Variants in THEMIS observed in about 807,000 individuals in gnomAD.
THEMIS encodes the protein thymocyte selection associated.
In THEMIS, 37 loss-of-function variants were observed where a neutral mutation model predicts 52.6. The observed-to-expected ratio is 0.70, with a 90% CI of 0.54 to 0.93. THEMIS has a LOEUF of 0.93. Among genes scored for constraint, THEMIS ranks in the 40% least tolerant of loss-of-function variants. THEMIS has a pLI of 0.00. For synonymous variants in THEMIS, 292 were observed against 272.7 expected, an observed-to-expected ratio of 1.07 and a Z score of -0.70; for missense variants, 808 against 763.1, an observed-to-expected ratio of 1.06 and a Z score of -0.69.
At chr6:127,762,541 A>G (rs554596563) in intron 4 of THEMIS, among the ~76,000 whole-genome samples, 15 of 152,130 alleles carry the variant, frequency 9.9e-5, no homozygotes, top group Admixed American at 2.6e-4. Context: ...ACTACCATTC[A>G]TCTCTATTCC....
intron 4 of THEMIS, among the ~76,000 whole-genome samples, chr6:127,751,599 T>C (rs1775646619): frequency 6.6e-6 from 1 of 151,528 alleles, no homozygotes; most frequent in South Asian, 2.1e-4. Flanking sequence ...AGACCATCAA[T>C]AAAAATAAAA....
intron 4 of THEMIS, among the ~76,000 whole-genome samples, chr6:127,768,784 C>T (rs548422917): frequency 1.3e-5 from 2 of 152,276 alleles, no homozygotes; most frequent in East Asian, 1.9e-4. Context: ...GCAGTTACCT[C>T]GATGTAGCTG....
chr6:127,809,758 C>T (rs868397638), intron 4 of THEMIS, among the ~76,000 whole-genome samples: 1 of 151,276 alleles, frequency 6.6e-6, no homozygotes, highest in South Asian at 2.1e-4. Context: ...TAACTTTCAC[C>T]CAGTGTTGAA....
intron 4 of THEMIS, among the ~76,000 whole-genome samples, chr6:127,787,314 C>A (rs1562257260): frequency 6.6e-6 from 1 of 152,010 alleles, no homozygotes; most frequent in Admixed American, 6.6e-5. Context: ...GCACACATCA[C>A]CTTCTTCCTT....
At chr6:127,743,848 C>T (rs964064089) in intron 4 of THEMIS, among the ~76,000 whole-genome samples, 2 of 151,948 alleles carry the variant, frequency 1.3e-5, no homozygotes, top group African/African-American at 2.4e-5. Flanking sequence ...TAGTCATTTC[C>T]ATGTTATGAC....
At chr6:127,847,654 C>A (rs1372175718) in intron 2 of THEMIS, among the ~76,000 whole-genome samples, 5 of 151,830 alleles carry the variant, frequency 3.3e-5, no homozygotes, top group Admixed American at 3.3e-4. Flanking sequence ...GTAACACAAA[C>A]AAATGGAAAC....
At chr6:127,875,068 A>G (rs2114400118) in intron 1 of THEMIS, among the ~76,000 whole-genome samples, 1 of 152,358 alleles carries the variant, frequency 6.6e-6, no homozygotes, top group South Asian at 2.1e-4. Context: ...GAATCTAATA[A>G]TCTGATGATA....
chr6:127,805,352 G>C (rs1777665462), intron 4 of THEMIS, among the ~76,000 whole-genome samples: 2 of 152,054 alleles, frequency 1.3e-5, no homozygotes, highest in South Asian at 2.1e-4. Flanking sequence ...TTATACTGAA[G>C]TTAGATTCTG....
intron 1 of THEMIS, among the ~76,000 whole-genome samples, chr6:127,861,348 T>C (rs1030731677): frequency 3.3e-5 from 5 of 152,198 alleles, no homozygotes; most frequent in African/African-American, 1.2e-4. Context: ...ACTGCATTGA[T>C]TATACAGGGA....
At chr6:127,781,823 G>A (rs959922243) in intron 4 of THEMIS, among the ~76,000 whole-genome samples, 1 of 152,144 alleles carries the variant, frequency 6.6e-6, no homozygotes, top group African/African-American at 2.4e-5. Flanking sequence ...TGTATGAGGT[G>A]TCTGTCGACC....
Position 127,820,222 on chromosome 6 carries a change from G to A in THEMIS, c.710-6291C>T, listed in dbSNP as rs1487402669. Among the ~76,000 whole-genome samples the A allele has an allele frequency of 3.3e-5, 5 of 152,100 alleles. No homozygotes were observed. In the East Asian group the frequency reaches 9.7e-4, roughly 29 times the overall value. On this transcript the variant is annotated intron_variant, in intron 3 of 5. Transcript: ENST00000368248. ...AAAGCCTCAATTAAAATTACAGTAG[G>A]CAGAAAAAGAAGGGGAAAAATAGCA... is the stretch of plus-strand genomic sequence containing the variant.
chr6:127,787,753 G>C lies in THEMIS; in HGVS notation c.1758+25130C>G, dbSNP rs558214546. Among the ~76,000 whole-genome samples, 6 of 151,846 alleles carry C rather than the reference G, an allele frequency of 4.0e-5. No individual in the cohort carries two copies. In the South Asian group the frequency reaches 1.2e-3, roughly 31 times the overall value. On this transcript the variant is annotated intron_variant, in intron 4 of 5. Coordinates refer to ENST00000368248, the MANE Select transcript of THEMIS (RefSeq NM_001010923.3). ...TGACATCTGTATTATCTAAAATTAA[G>C]TCTACTAACTATATTTATAAGCTAA...
Position 127,888,806 on chromosome 6 carries a change from TG to T in THEMIS, c.91+12035del, listed in dbSNP as rs376852009. ...GAAGAGTAGTTAAAGAAGCAACAGA[TG>T]CTTCCTGAATAGAGTGATAAAATCA... is the stretch of plus-strand genomic sequence containing the variant. On this transcript the variant is annotated intron_variant, in intron 1 of 5. Coordinates refer to ENST00000368248, the MANE Select transcript of THEMIS (RefSeq NM_001010923.3). 4.1e-4 allele frequency among the ~76,000 whole-genome samples: 63 copies of T among 152,202 alleles called. No homozygotes were observed. In the East Asian group the frequency reaches 0.01, roughly 25 times the overall value.
chr6:127,762,065 T>C (rs1776040357), intron 4 of THEMIS, among the ~76,000 whole-genome samples: 1 of 152,130 alleles, frequency 6.6e-6, no homozygotes, highest in Non-Finnish European at 1.5e-5. Flanking sequence ...GGGGATACTA[T>C]TCAGATTTTT....
At chr6:127,715,516 C>G (rs999376340) in intron 5 of THEMIS, among the ~76,000 whole-genome samples, 1 of 151,860 alleles carries the variant, frequency 6.6e-6, no homozygotes, top group African/African-American at 2.4e-5. Flanking sequence ...TAATATAGAA[C>G]CTCTGACTTG....
At chr6:127,837,303 C>T (rs982304501) in intron 2 of THEMIS, among the ~76,000 whole-genome samples, 1 of 151,922 alleles carries the variant, frequency 6.6e-6, no homozygotes, top group Non-Finnish European at 1.5e-5. Flanking sequence ...AAATTCAAGG[C>T]CTACCCATGC....
At chr6:127,698,699 A>G in the THEMIS span, among the ~76,000 whole-genome samples, 7 of 152,154 alleles carry the variant, frequency 4.6e-5, no homozygotes, top group African/African-American at 1.7e-4. Context: ...TATATACTAC[A>G]TATTGACTGA....
chr6:127,698,840 T>TA, the THEMIS span, among the ~76,000 whole-genome samples: 70,829 of 151,536 alleles, frequency 0.47, 17,809 homozygotes, highest in Non-Finnish European at 0.58. Context: ...TTGTATGGCT[T>TA]AAAAAAAATC....
At chr6:127,894,745 C>T (rs537264802) in intron 1 of THEMIS, among the ~76,000 whole-genome samples, 3 of 151,452 alleles carry the variant, frequency 2.0e-5, no homozygotes, top group Non-Finnish European at 4.4e-5. Flanking sequence ...TCCAGGAGCA[C>T]TCTAACAAAT....
Sources: allele counts gnomAD v4.1 joint callset (sites outside exome capture counted in the v4.1 genomes callset), GRCh38; gene constraint gnomAD v4.1.1; transcripts MANE v1.5; gene names NCBI Gene and HGNC (gene_info 2026-07-23, HGNC 2026-07-21).